The following TMPRSS11F variants were observed in gnomAD, a reference collection of about 807,000 sequenced individuals.
TMPRSS11F encodes transmembrane serine protease 11F.
In TMPRSS11F, 47 loss-of-function variants were observed where a neutral mutation model predicts 60.2. The observed-to-expected ratio is 0.78, with a 90% CI of 0.62 to 1.00. TMPRSS11F has a LOEUF of 1.00. Among genes scored for constraint, TMPRSS11F ranks in the 50% least tolerant of loss-of-function variants. TMPRSS11F has a pLI of 0.00. For missense variants in TMPRSS11F, 519 were observed against 522.9 expected, an observed-to-expected ratio of 0.99 and a Z score of 0.07; for synonymous variants, 166 against 167.3, an observed-to-expected ratio of 0.99 and a Z score of 0.06.
At chr4:68,102,288 C>T (rs1397896531) in intron 1 of TMPRSS11F, among the ~76,000 whole-genome samples, 1 of 152,142 alleles carries the variant, frequency 6.6e-6, no homozygotes, top group East Asian at 1.9e-4. Context: ...TATGGGAGTG[C>T]AGATATCTTT....
intron 3 of TMPRSS11F, among the ~76,000 whole-genome samples, chr4:68,082,049 A>T (rs1191233819): frequency 6.6e-6 from 1 of 152,152 alleles, no homozygotes. Context: ...CATCAAACAG[A>T]TCTCTGGGAG....
At chr4:68,098,049 A>C (rs1724107264) in intron 2 of TMPRSS11F, among the ~76,000 whole-genome samples, 2 of 152,140 alleles carry the variant, frequency 1.3e-5, no homozygotes, top group African/African-American at 2.4e-5. Flanking sequence ...TGATGTCTAT[A>C]ATCCCAGCAC....
chr4:68,100,249 T>C (rs552372092), intron 1 of TMPRSS11F, among the ~76,000 whole-genome samples: 2 of 152,248 alleles, frequency 1.3e-5, no homozygotes, highest in East Asian at 1.9e-4. Flanking sequence ...GTAGAGCTGG[T>C]GGACTGGGAG....
rs142036201 is a variant in TMPRSS11F at position 68,068,868 on chromosome 4, A to G, written c.554-49T>C. ...TCATATTCATAAAAAGGAGGAAAAA[A>G]GTATATTCTGATTTGCTTTGGTTAT... On this transcript the variant is annotated intron_variant, in intron 6 of 9. Transcript: ENST00000356291. 2.7e-3 allele frequency: 4,360 copies of G among 1,588,630 alleles called. 8 individuals are homozygous for G. The highest frequency in any genetic ancestry group is 0.014 in the Middle Eastern group (86 of 6,016).
chr4:68,092,582 T>A, intron 2 of TMPRSS11F, among the ~76,000 whole-genome samples: 1 of 152,184 alleles, frequency 6.6e-6, no homozygotes, highest in East Asian at 1.9e-4. Context: ...CGTGGATGAA[T>A]TAATCAATAT....
At chr4:68,055,158 G>A (rs1723018272) in intron 9 of TMPRSS11F, among the ~76,000 whole-genome samples, 1 of 152,162 alleles carries the variant, frequency 6.6e-6, no homozygotes, top group Admixed American at 6.5e-5. Flanking sequence ...TGTAAGAGGG[G>A]CAAATAGTGT....
intron 3 of TMPRSS11F, among the ~76,000 whole-genome samples, chr4:68,075,410 C>G (rs1170747197): frequency 6.6e-6 from 1 of 152,126 alleles, no homozygotes; most frequent in Non-Finnish European, 1.5e-5. Context: ...GACCCTGCCT[C>G]AAGTTCAATA....
intron 8 of TMPRSS11F, among the ~76,000 whole-genome samples, chr4:68,064,189 CT>C (rs571554504): frequency 1.3e-3 from 158 of 119,626 alleles, no homozygotes; most frequent in Non-Finnish European, 1.5e-3. Flanking sequence ...TCTTTTTTTT[CT>C]TTTTTTTTTT....
intron 1 of TMPRSS11F, among the ~76,000 whole-genome samples, chr4:68,120,457 C>T (rs1214169219): frequency 6.2e-5 from 9 of 145,298 alleles, no homozygotes; most frequent in African/African-American, 1.1e-4. Flanking sequence ...GGCGGGATCT[C>T]GGCTCACTGC....
chr4:68,125,782 T>C (rs1724703138), intron 1 of TMPRSS11F, among the ~76,000 whole-genome samples: 1 of 152,210 alleles, frequency 6.6e-6, no homozygotes, highest in Non-Finnish European at 1.5e-5. Flanking sequence ...GTTTCCATGC[T>C]GTCTTCCTAC....
Position 68,054,036 on chromosome 4 carries a change from T to C in TMPRSS11F, c.1190A>G (p.Asn397Ser), listed in dbSNP as rs191183857. Residue 397 changes from asparagine (N) to serine (S), a missense_variant, in exon 10 of 10, where the codon AAT becomes AGT. Transcript: ENST00000356291. ...ACCTACAATGTACCAGATGTCATGA[T>C]TATCATAAACCAGAGGTCCACCAGA... ...GDSGGPLVYD[N>S]HDIWYIVGIV... 341 of 1,613,202 alleles carry C rather than the reference T, an allele frequency of 2.1e-4. 2 individuals carry two copies. The East Asian group carries it at 7.5e-3, about 35-fold the overall frequency.
chr4:68,103,083 C>T (rs1200445638), intron 1 of TMPRSS11F, among the ~76,000 whole-genome samples: 1 of 148,964 alleles, frequency 6.7e-6, no homozygotes, highest in African/African-American at 2.5e-5. Flanking sequence ...TTTATTGGTA[C>T]CAATACCACT....
At chr4:68,057,293 A>AT (rs1272325013) in intron 9 of TMPRSS11F, among the ~76,000 whole-genome samples, 1 of 151,620 alleles carries the variant, frequency 6.6e-6, no homozygotes, top group Non-Finnish European at 1.5e-5. Flanking sequence ...AAAAAAAAAA[A>AT]AAAAAAAAGG....
chr4:68,084,824 G>A (rs1414805241), intron 3 of TMPRSS11F, among the ~76,000 whole-genome samples: 59 of 145,132 alleles, frequency 4.1e-4, no homozygotes, highest in African/African-American at 1.8e-4. Flanking sequence ...ATGCTGGTGC[G>A]CTGCACCCAC....
chr4:68,124,967 T>TTTTTTTTC (rs397993852), intron 1 of TMPRSS11F, among the ~76,000 whole-genome samples: 1 of 149,252 alleles, frequency 6.7e-6, no homozygotes, highest in African/African-American at 2.4e-5. Flanking sequence ...TTTTTTTTTT[T>TTTTTTTTC]ACATAGTACA....
chr4:68,088,101 T>C (rs1395954978), intron 3 of TMPRSS11F, among the ~76,000 whole-genome samples: 1 of 151,984 alleles, frequency 6.6e-6, no homozygotes, highest in Non-Finnish European at 1.5e-5. Context: ...GACTGGCAGA[T>C]TGGATAAAGA....
intron 1 of TMPRSS11F, among the ~76,000 whole-genome samples, chr4:68,102,234 G>A (rs779998841): frequency 6.6e-6 from 1 of 152,052 alleles, no homozygotes; most frequent in East Asian, 1.9e-4. Context: ...TGGACACTTA[G>A]GCTGTTTCCG....
chr4:68,107,758 G>A (rs1724332350), intron 1 of TMPRSS11F, among the ~76,000 whole-genome samples: 1 of 152,164 alleles, frequency 6.6e-6, no homozygotes. Flanking sequence ...CCAACATGGT[G>A]AAACCCCATC....
chr4:68,127,953 C>A (rs1457284044), intron 1 of TMPRSS11F, among the ~76,000 whole-genome samples: 3 of 152,134 alleles, frequency 2.0e-5, no homozygotes, highest in South Asian at 2.1e-4. Flanking sequence ...AACAACCTCA[C>A]CCCTCATTCA....
Sources: allele counts gnomAD v4.1 joint callset (sites outside exome capture counted in the v4.1 genomes callset), GRCh38; gene constraint gnomAD v4.1.1; transcripts MANE v1.5; gene names NCBI Gene and HGNC (gene_info 2026-07-23, HGNC 2026-07-21).